Variants in XRN1 observed in about 807,000 individuals in gnomAD.
XRN1 encodes strand-exchange protein 1 homolog.
In XRN1, 67 loss-of-function variants were observed where a neutral mutation model predicts 222.3. That is an observed-to-expected ratio of 0.30 (90% CI 0.25 to 0.37). The LOEUF (loss-of-function observed/expected upper bound fraction) is 0.37. Among genes scored for constraint, XRN1 ranks in the 10% least tolerant of loss-of-function variants. The probability of loss-of-function intolerance (pLI) is 1.00; values close to 1 mark genes in which losing one functional copy is unlikely to be tolerated. For synonymous variants in XRN1, 643 were observed against 652.4 expected (o/e 0.99, Z 0.22); for missense variants, 1,707 against 2,000.2 (o/e 0.85, Z 2.80).
At chr3:142,434,578 C>G (rs2069788345) in intron 1 of XRN1, among the ~76,000 whole-genome samples, 1 of 144,402 alleles carries the variant, frequency 6.9e-6, no homozygotes, top group African/African-American at 2.6e-5. Context: ...AATAAATATG[C>G]AATAATAGCC....
chr3:142,334,791 CACACACACACAA>C (rs1471250042), intron 34 of XRN1, among the ~76,000 whole-genome samples: 31 of 149,792 alleles, frequency 2.1e-4, no homozygotes, highest in Non-Finnish European at 4.0e-4. Flanking sequence ...CACACACACA[CACACACACACAA>C]AAGACCATAT....
At chr3:142,363,401 CATT>C (rs1410426256) in intron 29 of XRN1, among the ~76,000 whole-genome samples, 2 of 152,214 alleles carry the variant, frequency 1.3e-5, no homozygotes, top group East Asian at 3.9e-4. Flanking sequence ...TTGTTAAAGA[CATT>C]ATCCCTTCTT....
At chr3:142,321,372 C>T (rs956965792) in intron 37 of XRN1, among the ~76,000 whole-genome samples, 1 of 152,126 alleles carries the variant, frequency 6.6e-6, no homozygotes, top group Non-Finnish European at 1.5e-5. Context: ...CCGCCTGCCT[C>T]GGCCTCTGAA....
intron 3 of XRN1, 132 bp downstream of exon 3, chr3:142,426,612 A>T: frequency 3.8e-6 from 3 of 791,582 alleles, no homozygotes; most frequent in South Asian, 2.0e-5. Context: ...ATGAGCAAAC[A>T]TAAGTGGGAA....
chr3:142,375,388 A>C (rs2067112767), intron 25 of XRN1, among the ~76,000 whole-genome samples: 1 of 152,136 alleles, frequency 6.6e-6, no homozygotes, highest in Non-Finnish European at 1.5e-5. Context: ...TTCCTAGATA[A>C]TTTCAGCAAT....
chr3:142,376,013 TGTC>T lies in XRN1; in HGVS notation c.2832-72_2832-70del, dbSNP rs1226268348. On this transcript the variant is annotated intron_variant, in intron 24 of 40. Transcript: ENST00000392981. The stretch of plus-strand genomic sequence containing the variant: ...ACACACACACACACGAGTTTTAAAA[TGTC>T]GTTCAAGGAACAAAAAGTTTTGCTT... The T allele has an allele frequency of 6.2e-6, 9 of 1,456,902 alleles. No individual in the cohort carries two copies. The East Asian group carries it at 1.5e-4, about 25-fold the overall frequency. 90.2% of individuals were successfully genotyped at this position (1,456,902 alleles called of 1,614,324 possible).
At chr3:142,338,917 C>T (rs1287280650) in intron 33 of XRN1, among the ~76,000 whole-genome samples, 2 of 152,164 alleles carry the variant, frequency 1.3e-5, no homozygotes, top group Admixed American at 6.5e-5. Context: ...GTTTCAGGGC[C>T]AGCTTAGCTG....
intron 29 of XRN1, among the ~76,000 whole-genome samples, chr3:142,360,849 G>C (rs1308468720): frequency 6.8e-6 from 1 of 147,960 alleles, no homozygotes; most frequent in African/African-American, 2.5e-5. Flanking sequence ...ACTCCAGCCT[G>C]GGCGACAGAG....
chr3:142,383,686 G>A (rs1176276308), intron 21 of XRN1, among the ~76,000 whole-genome samples: 1 of 152,150 alleles, frequency 6.6e-6, no homozygotes, highest in Non-Finnish European at 1.5e-5. Flanking sequence ...CTGGGGCACA[G>A]AAAGGGGATG....
rs1307243271 is a variant in XRN1 at position 142,318,905 on chromosome 3, TA to T, written c.4405-3del. 1.2e-6 allele frequency: 2 copies of T among 1,610,728 alleles called. No homozygotes were observed. Among genetic ancestry groups the T allele is most frequent in the South Asian group, 1.1e-5 (1 of 90,978 alleles). ...TTTTACTTGGCAAACGGTCATTGTC[TA>T]AAAAAAGAGAATATATATGTCTATG... On this transcript the variant is annotated splice_region_variant and splice_polypyrimidine_tract_variant and intron_variant, in intron 37 of 40. Transcript: ENST00000392981.
intron 25 of XRN1, 74 bp downstream of exon 25, chr3:142,375,724 A>G (rs1399151820): frequency 5.7e-6 from 8 of 1,398,526 alleles, no homozygotes; most frequent in African/African-American, 1.5e-5. Flanking sequence ...TCTAAAACTA[A>G]TATCAGGAAG....
rs779111536 is a variant in XRN1 at position 142,423,541 on chromosome 3, T to C, written c.710+19A>G. Reference sequence around the variant, plus strand: ...CAGGCGTAATTTCTTTCTTCCAACATATATGCTATATAATTTACCGTTGTG... The same window carrying C: ...CAGGCGTAATTTCTTTCTTCCAACACATATGCTATATAATTTACCGTTGTG... On this transcript the variant is annotated intron_variant, in intron 6 of 40. Transcript: ENST00000392981. 1.9e-6 allele frequency: 3 copies of C among 1,569,460 alleles called. No homozygotes were observed. In the African/African-American group the frequency reaches 4.1e-5, roughly 22 times the overall value.
intron 24 of XRN1, 98 bp downstream of exon 24, chr3:142,376,381 G>A: frequency 1.0e-6 from 1 of 954,718 alleles, no homozygotes; most frequent in South Asian, 1.5e-5. Context: ...ACAATCCAGA[G>A]CAATTAATAA....
At position 142,398,138 on chromosome 3, in the gene XRN1, G is replaced by A. The variant is rs367628133; in HGVS notation, c.2208-678C>T. Among the ~76,000 whole-genome samples, 235 of 152,000 alleles carry A rather than the reference G, an allele frequency of 1.5e-3. 1 individual carries two copies. Among genetic ancestry groups the A allele is most frequent in the Non-Finnish European group, 2.3e-3 (153 of 67,958 alleles). ...CACATATCTGTAGTCCCAGATACTC[G>A]GGAGGCTAAGATGGGAGGATCACTT... On this transcript the variant is annotated intron_variant, in intron 19 of 40. Transcript: ENST00000392981.
chr3:142,365,073 C>T lies in XRN1; in HGVS notation c.3368G>A (p.Arg1123Gln). 3 of 1,613,114 alleles carry T rather than the reference C, an allele frequency of 1.9e-6. No homozygotes were observed. The highest frequency in any genetic ancestry group is 2.5e-6 in the Non-Finnish European group (3 of 1,179,596). ...RENFSVPVGL[R>Q]GTIIGIKGAN... is the part of the protein sequence containing the mutation. Reference sequence around the variant, plus strand: ...TCCTTTTATTCCTATGATGGTGCCTCGAAGGCCAACTGGAACTGAGAAGTT... The same window carrying T: ...TCCTTTTATTCCTATGATGGTGCCTTGAAGGCCAACTGGAACTGAGAAGTT... Residue 1123 changes from arginine to glutamine, a missense_variant, in exon 29 of 41, where the codon CGA (arginine) becomes CAA (glutamine). Around this residue, in one of 2 missense-constraint regions of XRN1, gnomAD observed 1,234 missense variants for 1,518.2 expected, o/e 0.81. Transcript: ENST00000392981.
intron 20 of XRN1, among the ~76,000 whole-genome samples, chr3:142,393,562 G>A (rs2067816254): frequency 6.6e-6 from 1 of 151,328 alleles, no homozygotes; most frequent in Admixed American, 6.6e-5. Flanking sequence ...AGTTTTCCCA[G>A]CACCATTTAT....
intron 8 of XRN1, 111 bp downstream of exon 8, chr3:142,422,471 A>G (rs2108111684): frequency 8.7e-7 from 1 of 1,153,890 alleles, no homozygotes; most frequent in South Asian, 1.4e-5. Flanking sequence ...TAAATCCTCA[A>G]TGTTTTTCTG....
intron 33 of XRN1, among the ~76,000 whole-genome samples, chr3:142,339,941 G>C (rs1282506305): frequency 1.3e-5 from 2 of 152,182 alleles, no homozygotes; most frequent in Non-Finnish European, 2.9e-5. Context: ...TAATTAAAAA[G>C]AATCAAGCAG....
At chr3:142,318,272 A>C (rs983328134) in intron 39 of XRN1, among the ~76,000 whole-genome samples, 1 of 152,158 alleles carries the variant, frequency 6.6e-6, no homozygotes, top group Non-Finnish European at 1.5e-5. Flanking sequence ...ATAGTCTACT[A>C]CCAATAAGAA....
Sources: allele counts gnomAD v4.1 joint callset (sites outside exome capture counted in the v4.1 genomes callset), GRCh38; gene constraint gnomAD v4.1.1; regional missense constraint gnomAD v4.1.1; transcripts MANE v1.5; gene names NCBI Gene and HGNC (gene_info 2026-07-23, HGNC 2026-07-21).